Variants in RHOQ observed in about 807,000 individuals in gnomAD.
RHOQ encodes ras homolog family member Q.
RHOQ carries 7 observed loss-of-function variants against 25.8 expected under a neutral mutation model. The ratio of observed to expected loss-of-function variants is 0.27; its 90% CI spans 0.15 to 0.51. The LOEUF (loss-of-function observed/expected upper bound fraction) is 0.51. Among genes scored for constraint, RHOQ ranks in the 20% least tolerant of loss-of-function variants. The pLI is 0.97. For missense variants in RHOQ, 165 were observed against 260.6 expected, an observed-to-expected ratio of 0.63 and a Z score of 2.53; for synonymous variants, 97 against 98.6, an observed-to-expected ratio of 0.98 and a Z score of 0.10.
At position 46,566,971 on chromosome 2, in the gene RHOQ, A is replaced by G. The variant is rs1476467961; in HGVS notation, c.202-9116A>G. ...AGTCATTTTTGTCCCAATTTGTTCA[A>G]TGCCTGATTTGATACCTCAATTTTA... On this transcript the variant is annotated intron_variant, in intron 2 of 4. Coordinates refer to ENST00000238738, the MANE Select transcript of RHOQ (RefSeq NM_012249.4). The surrounding 1 kb of genome is among the most constrained non-coding windows in gnomAD (Gnocchi z 4.2). Among the ~76,000 whole-genome samples, 2 of 152,144 alleles carry G rather than the reference A, an allele frequency of 1.3e-5. No homozygotes were observed. Among genetic ancestry groups the G allele is most frequent in the Non-Finnish European group, 2.9e-5 (2 of 68,030 alleles).
At chr2:46,546,474 G>GTATATATATA (rs1467866624) in intron 2 of RHOQ, among the ~76,000 whole-genome samples, 5 of 16,954 alleles carry the variant, frequency 2.9e-4, no homozygotes, top group Non-Finnish European at 5.2e-4. Context: ...ATATATATAT[G>GTATATATATA]TGTATATATA....
chr2:46,568,461 C>A (rs545937523), intron 2 of RHOQ: 31 of 152,318 alleles, frequency 2.0e-4, no homozygotes, highest in African/African-American at 6.7e-4. Flanking sequence ...ATCTGTGCTA[C>A]TGGACCACCT....
intron 1 of RHOQ, 38 bp downstream of exon 1, chr2:46,543,226 G>C (rs778504224): frequency 4.4e-6 from 7 of 1,608,434 alleles, no homozygotes; most frequent in Admixed American, 3.4e-5. Context: ...GCCGCTCCCC[G>C]GGCCGGGAAC....
At position 46,561,498 on chromosome 2, in the gene RHOQ, A is replaced by G. The variant is rs1427299723; in HGVS notation, c.202-14589A>G. Among the ~76,000 whole-genome samples, 4 of 152,288 alleles carry G rather than the reference A, an allele frequency of 2.6e-5. No individual in the cohort carries two copies. The East Asian group carries it at 5.8e-4, about 22-fold the overall frequency. On this transcript the variant is annotated intron_variant, in intron 2 of 4. Coordinates refer to ENST00000238738, the MANE Select transcript of RHOQ (RefSeq NM_012249.4). ...AATCTAAGGTGGGAAGAGGAGTTTGATGACTGCATGGCCAACCTTGAACTC... is the reference window on the plus strand; with the variant it reads ...AATCTAAGGTGGGAAGAGGAGTTTGGTGACTGCATGGCCAACCTTGAACTC...
rs1669507763 is a variant in RHOQ at position 46,584,618 on chromosome 2, T to TCATGTTATGTAAATCAAGAAGTG, written c.*3540_*3562dup. On this transcript the variant is annotated 3_prime_UTR_variant, in exon 5 of 5. Coordinates refer to ENST00000238738, the MANE Select transcript of RHOQ (RefSeq NM_012249.4). ...GTTACGGCTTGGAACACTTGGTTAT[T>TCATGTTATGTAAATCAAGAAGTG]CATGTTATGTAAATCAAGAAGTGCA... 1.3e-5 allele frequency among the ~76,000 whole-genome samples: 2 copies of TCATGTTATGTAAATCAAGAAGTG among 152,174 alleles called. No individual in the cohort carries two copies. The highest frequency in any genetic ancestry group is 2.9e-5 in the Non-Finnish European group (2 of 68,008).
chr2:46,574,233 G>C (rs1669030954), intron 2 of RHOQ, among the ~76,000 whole-genome samples: 1 of 152,180 alleles, frequency 6.6e-6, no homozygotes. Flanking sequence ...TATGGATGAG[G>C]AGTGCTTTTT....
Position 46,546,511 on chromosome 2 carries a change from TGTATATAC to T in RHOQ, c.201+2700_201+2707del, listed in dbSNP as rs1284521685. Among the ~76,000 whole-genome samples, 130 of 21,852 alleles carry T rather than the reference TGTATATAC, an allele frequency of 5.9e-3. 7 individuals carry two copies. The highest frequency in any genetic ancestry group is 0.012 in the African/African-American group (66 of 5,410). The allele number at this position is 21,852 out of a possible 152,430, so 14.3% of individuals were successfully genotyped here. ...ATATATATATATATATATATATATA[TGTATATAC>T]ATATATATATATACACAAATCCTTA... On this transcript the variant is annotated intron_variant, in intron 2 of 4. Coordinates refer to ENST00000238738, the MANE Select transcript of RHOQ (RefSeq NM_012249.4).
At chr2:46,579,865 A>C (rs1669284350) in intron 4 of RHOQ, among the ~76,000 whole-genome samples, 1 of 151,182 alleles carries the variant, frequency 6.6e-6, no homozygotes, top group South Asian at 2.1e-4. Flanking sequence ...AAAGCCCTGA[A>C]GTCGTACTTG....
chr2:46,572,105 G>GTTTTTTTTT (rs1558691036), intron 2 of RHOQ, among the ~76,000 whole-genome samples: 2 of 91,034 alleles, frequency 2.2e-5, no homozygotes, highest in Admixed American at 1.0e-4. Flanking sequence ...TGGTAAGTGT[G>GTTTTTTTTT]TGTTTTTTTT....
rs1289219001 is a variant in RHOQ, at chr2:46,566,331, T to C, written c.202-9756T>C. Among the ~76,000 whole-genome samples, 5 of 152,164 alleles carry C rather than the reference T, an allele frequency of 3.3e-5. No homozygotes were observed. Among genetic ancestry groups the C allele is most frequent in the Non-Finnish European group, 7.4e-5 (5 of 68,022 alleles). ...CTCCTCTGACCACCTGCTTGACATCTCAAGCTTAACACGTCCCAAACTGTC... is the reference window on the plus strand; with the variant it reads ...CTCCTCTGACCACCTGCTTGACATCCCAAGCTTAACACGTCCCAAACTGTC... On this transcript the variant is annotated intron_variant, in intron 2 of 4. Transcript: ENST00000238738. This position sits in a 1 kb window ranked among gnomAD's most constrained non-coding sequence, Gnocchi z 4.2.
chr2:46,554,425 C>T (rs1419108112), intron 2 of RHOQ, among the ~76,000 whole-genome samples: 1 of 152,150 alleles, frequency 6.6e-6, no homozygotes, highest in Non-Finnish European at 1.5e-5. Context: ...GGCCTAAACA[C>T]CAAGCTATTT....
chr2:46,574,279 C>T (rs1669032432), intron 2 of RHOQ, among the ~76,000 whole-genome samples: 1 of 151,592 alleles, frequency 6.6e-6, no homozygotes, highest in Admixed American at 6.6e-5. Flanking sequence ...ATGACAACTG[C>T]ATGTTTGCTC....
intron 2 of RHOQ, among the ~76,000 whole-genome samples, chr2:46,547,297 C>G (rs997182664): frequency 2.6e-5 from 4 of 152,178 alleles, no homozygotes; most frequent in Admixed American, 2.6e-4. Context: ...CTGCCTTAAC[C>G]CCAGTCAAGT....
chr2:46,553,611 C>T (rs1001652075), intron 2 of RHOQ, among the ~76,000 whole-genome samples: 13 of 151,356 alleles, frequency 8.6e-5, no homozygotes, highest in South Asian at 4.2e-4. Context: ...GACAGAGTCT[C>T]GCTCTATCGC....
intron 2 of RHOQ, among the ~76,000 whole-genome samples, chr2:46,545,331 C>T (rs2103977429): frequency 6.6e-6 from 1 of 152,262 alleles, no homozygotes; most frequent in Middle Eastern, 3.4e-3. Flanking sequence ...TAAAAAATCG[C>T]CTCTAATTTG....
intron 2 of RHOQ, chr2:46,560,488 C>A: frequency 2.2e-6 from 1 of 445,940 alleles, no homozygotes; most frequent in Non-Finnish European, 4.6e-6. Flanking sequence ...GGGCCAGGCT[C>A]CTGATGAATT....
At chr2:46,562,195 C>G (rs981206353) in intron 2 of RHOQ, among the ~76,000 whole-genome samples, 1 of 152,082 alleles carries the variant, frequency 6.6e-6, no homozygotes, top group Non-Finnish European at 1.5e-5. Context: ...TTGAAACTCC[C>G]TCATCCCCAC....
intron 4 of RHOQ, among the ~76,000 whole-genome samples, chr2:46,577,561 G>A (rs903528648): frequency 2.8e-5 from 4 of 145,328 alleles, no homozygotes; most frequent in African/African-American, 7.6e-5. Context: ...CACCACACCC[G>A]GCTATTTTTT....
intron 2 of RHOQ, chr2:46,560,476 C>A: frequency 2.3e-6 from 1 of 433,164 alleles, no homozygotes. Context: ...ATATTCTGTT[C>A]AGGGCCAGGC....
Sources: gnomAD v4.1 joint callset for allele counts (sites outside exome capture counted in the v4.1 genomes callset) on GRCh38, gnomAD v4.1.1 for gene constraint, Gnocchi (gnomAD v3.1) non-coding constraint, MANE v1.5 for transcripts, NCBI Gene and HGNC (gene_info 2026-07-23, HGNC 2026-07-21) for gene names.